The following DEPDC7 variants were observed in gnomAD, a reference collection of about 807,000 sequenced individuals.
DEPDC7 encodes the protein DEP domain containing 7, also known as DEP domain-containing protein 7.
Under a neutral mutation model 56.6 loss-of-function variants are expected in DEPDC7, and 41 were observed. That is an observed-to-expected ratio of 0.72 (90% CI 0.56 to 0.94). The LOEUF is 0.94. Among genes scored for constraint, DEPDC7 ranks in the 40% least tolerant of loss-of-function variants. The probability of loss-of-function intolerance (pLI) is 0.00; values close to 1 mark genes in which losing one functional copy is unlikely to be tolerated. For missense variants in DEPDC7, 522 were observed against 596.3 expected, an observed-to-expected ratio of 0.88 and a Z score of 1.30; for synonymous variants, 185 against 208.8, an observed-to-expected ratio of 0.89 and a Z score of 0.98.
chr11:33,026,188 G>A, intron 2 of DEPDC7, 139 bp downstream of exon 2: 3 of 924,768 alleles, frequency 3.2e-6, no homozygotes, highest in Non-Finnish European at 5.0e-6. Context: ...ATTTGATAAA[G>A]TGCGATGAAA....
Position 33,032,746 on chromosome 11 carries a change from G to C in DEPDC7, c.1216G>C (p.Asp406His). Reference protein sequence around the residue: ...DNKNLSKGKTDLLVLFLMDHQ... With the variant: ...DNKNLSKGKTHLLVLFLMDHQ... ...TAAAAATTTATCCAAAGGCAAAACA[G>C]ATCTTCTGGTACTCTTTTTAATGGA... Residue 406 changes from aspartate (D) to histidine (H), a missense_variant, in exon 7 of 9, where the codon GAT becomes CAT. Physicochemically the swap from Asp to His is moderately conservative, Grantham distance 81. Coordinates refer to ENST00000241051, the MANE Select transcript of DEPDC7 (RefSeq NM_001077242.2). 1 of 1,607,824 alleles carries C rather than the reference G, an allele frequency of 6.2e-7. No homozygotes were observed. Among genetic ancestry groups the C allele is most frequent in the Non-Finnish European group, 8.5e-7 (1 of 1,177,794 alleles).
chr11:33,016,146 G>T (rs899026501), intron 1 of DEPDC7, 118 bp downstream of exon 1: 4 of 1,235,458 alleles, frequency 3.2e-6, no homozygotes, highest in Admixed American at 4.4e-5. Context: ...TCAACGGCCG[G>T]CTGGGCGAGC....
chr11:33,027,453 A>G (rs1284421847), intron 2 of DEPDC7, among the ~76,000 whole-genome samples: 1 of 152,206 alleles, frequency 6.6e-6, no homozygotes, highest in African/African-American at 2.4e-5. Context: ...CTGGTGACTA[A>G]GATTTTAGTC....
chr11:33,033,412 A>G lies in DEPDC7; in HGVS notation c.1493A>G (p.Tyr498Cys), dbSNP rs142956576. 8.7e-4 allele frequency: 1,400 copies of G among 1,608,276 alleles called. 25 individuals carry two copies. In the East Asian group the frequency reaches 0.027, roughly 31 times the overall value. The change falls in exon 9 of 9, where the codon TAT (tyrosine) becomes TGT (cysteine). Residue 498 changes from tyrosine (Y) to cysteine (C), a missense_variant. Tyr to Cys is a radical substitution (Grantham distance 194). Coordinates refer to ENST00000241051, the MANE Select transcript of DEPDC7 (RefSeq NM_001077242.2). Reference sequence around the variant, plus strand: ...AAGAAAAAATTGCTAGGTCAATTCTATAAGTGTCACCCAGACATCTTTATT... The same window carrying G: ...AAGAAAAAATTGCTAGGTCAATTCTGTAAGTGTCACCCAGACATCTTTATT... ...KEKKKLLGQF[Y>C]KCHPDIFIEH...
At chr11:33,017,270 A>G (rs1363111404) in intron 1 of DEPDC7, among the ~76,000 whole-genome samples, 5 of 152,236 alleles carry the variant, frequency 3.3e-5, no homozygotes, top group Admixed American at 3.3e-4. Context: ...AAACCAAATG[A>G]CATTGAAAAC....
At chr11:33,016,092 C>G in intron 1 of DEPDC7, 64 bp downstream of exon 1, 1 of 1,291,076 alleles carries the variant, frequency 7.7e-7, no homozygotes, top group Non-Finnish European at 9.8e-7. Flanking sequence ...GGCTGGGTCC[C>G]GGCGCGGGGC....
At position 33,024,432 on chromosome 11, in the gene DEPDC7, GTA is replaced by G. The variant is rs1410575749; in HGVS notation, c.74-1225_74-1224del. Among the ~76,000 whole-genome samples, 10 of 152,154 alleles carry G rather than the reference GTA, an allele frequency of 6.6e-5. No homozygotes were observed. The South Asian group carries it at 8.3e-4, about 13-fold the overall frequency. On this transcript the variant is annotated intron_variant, in intron 1 of 8. Coordinates refer to ENST00000241051, the MANE Select transcript of DEPDC7 (RefSeq NM_001077242.2). ...CTGCAATGATTGTGTGTATCAATGT[GTA>G]TGTGTGTGTGTGTGTATACAATCAT...
intron 1 of DEPDC7, among the ~76,000 whole-genome samples, chr11:33,019,747 T>C (rs917740096): frequency 6.6e-6 from 1 of 152,200 alleles, no homozygotes; most frequent in African/African-American, 2.4e-5. Context: ...TGTATTATAT[T>C]GAGGCAATCT....
Position 33,027,672 on chromosome 11 carries a change from TA to T in DEPDC7, c.465-11del. 1 of 1,481,612 alleles carries T rather than the reference TA, an allele frequency of 6.7e-7. No homozygotes were observed. The highest frequency in any genetic ancestry group is 8.9e-7 in the Non-Finnish European group (1 of 1,118,822). The allele number at this position is 1,481,612 out of a possible 1,614,324, so 91.8% of individuals were successfully genotyped here. A position where few individuals can be genotyped will look rare whatever the true frequency, so the allele number is the denominator to read the frequency against. ...GCTTAGTAAATGTTCATTTCTGAAA[TA>T]AATTCATTTTAGGTATGCAGATGCA... On this transcript the variant is annotated splice_polypyrimidine_tract_variant and intron_variant, in intron 2 of 8. Coordinates refer to ENST00000241051, the MANE Select transcript of DEPDC7 (RefSeq NM_001077242.2).
intron 6 of DEPDC7, 35 bp from the exon 7 acceptor site, chr11:33,032,633 A>G: frequency 6.9e-7 from 1 of 1,450,730 alleles, no homozygotes; most frequent in Non-Finnish European, 9.3e-7. Flanking sequence ...TCTCTTAAAT[A>G]TATACTATTG....
In DEPDC7 at chr11:33,033,355, TTGA is replaced by T. The variant is rs754182877; in HGVS notation, c.1440_1442del (p.Asp480del). On this transcript the variant is annotated inframe_deletion, in exon 9 of 9. Transcript: ENST00000241051. ...GAGCTGTTGAATTTACTAAAAACTC[TTGA>T]TGAGGATTCAAAACTTTCTGCCAAA... is the stretch of plus-strand genomic sequence containing the variant. 6.2e-7 allele frequency: 1 copy of T among 1,611,850 alleles called. No individual in the cohort carries two copies. Among genetic ancestry groups the T allele is most frequent in the African/African-American group, 1.3e-5 (1 of 74,964 alleles).
intron 3 of DEPDC7, chr11:33,028,022 G>C: frequency 5.0e-6 from 2 of 401,822 alleles, no homozygotes; most frequent in Non-Finnish European, 8.4e-6. Context: ...ACTGACTTTT[G>C]TCCGATCAGC....
chr11:33,031,454 A>C lies in DEPDC7; in HGVS notation c.859A>C (p.Ser287Arg). The change falls in exon 5 of 9, where the codon AGC becomes CGC. Residue 287 changes from serine to arginine, a missense_variant. Physicochemically the swap from Ser to Arg is moderately radical, Grantham distance 110. Coordinates refer to ENST00000241051, the MANE Select transcript of DEPDC7 (RefSeq NM_001077242.2). ...PDQMVVEISR[S>R]FPEQPDRTDL... ...CCAAATGGTGGTGGAAATAAGCAGA[A>C]GCTTTCCTGAGCAACCAGACCGAAC... The C allele has an allele frequency of 6.2e-7, 1 of 1,614,224 alleles. No individual in the cohort carries two copies. The highest frequency in any genetic ancestry group is 8.5e-7 in the Non-Finnish European group (1 of 1,180,034).
intron 8 of DEPDC7, 79 bp downstream of exon 8, chr11:33,033,046 G>C: frequency 8.2e-7 from 1 of 1,212,548 alleles, no homozygotes; most frequent in South Asian, 1.4e-5. Flanking sequence ...GCTATAAGTA[G>C]TTGGACTTTA....
rs531509370 is a variant in DEPDC7 at position 33,015,903 on chromosome 11, A to G, written c.-53A>G. ...ACAGTTAACAGACGGGCGCTCAGGG[A>G]GCTAGGGAGCTGTGAAGCTGCTGGA... On this transcript the variant is annotated 5_prime_UTR_variant, in exon 1 of 9. Coordinates refer to ENST00000241051, the MANE Select transcript of DEPDC7 (RefSeq NM_001077242.2). 95 of 1,517,924 alleles carry G rather than the reference A, an allele frequency of 6.3e-5. 2 individuals are homozygous for G. In the South Asian group the frequency reaches 1.1e-3, roughly 17 times the overall value. 94.0% of individuals were successfully genotyped at this position (1,517,924 alleles called of 1,614,324 possible).
chr11:33,026,653 G>T (rs762488539), intron 2 of DEPDC7: 3 of 161,074 alleles, frequency 1.9e-5, no homozygotes, highest in Non-Finnish European at 4.1e-5. Context: ...CTCTCACCCA[G>T]ACTGGAGTGC....
chr11:33,019,655 G>A (rs1590206384), intron 1 of DEPDC7, among the ~76,000 whole-genome samples: 1 of 152,196 alleles, frequency 6.6e-6, no homozygotes, highest in South Asian at 2.1e-4. Context: ...GACAAAGTGA[G>A]ACTCTGTCTC....
chr11:33,018,446 G>T (rs1029084389), intron 1 of DEPDC7, among the ~76,000 whole-genome samples: 27 of 152,248 alleles, frequency 1.8e-4, no homozygotes, highest in Non-Finnish European at 3.7e-4. Context: ...ATTTATAGAT[G>T]TGTTATTTTC....
In DEPDC7 at chr11:33,031,468, A is replaced by G. The variant is rs1462503489; in HGVS notation, c.873A>G (p.Gln291=). The G allele has an allele frequency of 6.2e-7, 1 of 1,614,228 alleles. No individual in the cohort carries two copies. Among genetic ancestry groups the G allele is most frequent in the Admixed American group, 1.7e-5 (1 of 60,036 alleles). The part of the protein sequence containing the change: ...VVEISRSFPE[Q]PDRTDLVKEL... ...AAATAAGCAGAAGCTTTCCTGAGCA[A>G]CCAGACCGAACAGACTTAGTGAAAG... Residue 291 remains glutamine, a synonymous_variant, in exon 5 of 9, where the codon CAA becomes CAG. Coordinates refer to ENST00000241051, the MANE Select transcript of DEPDC7 (RefSeq NM_001077242.2).
Sources: gnomAD v4.1 joint callset for allele counts (sites outside exome capture counted in the v4.1 genomes callset) on GRCh38, gnomAD v4.1.1 for gene constraint, MANE v1.5 for transcripts, NCBI Gene and HGNC (gene_info 2026-07-23, HGNC 2026-07-21) for gene names.